The following NRXN3 variants were observed in gnomAD, a reference collection of about 807,000 sequenced individuals.
The protein encoded by NRXN3 is neurexin 3, also known as neurexin III.
A neutral mutation model predicts 137.6 loss-of-function variants in NRXN3; 32 were observed. The observed-to-expected ratio is 0.23, with a 90% CI of 0.18 to 0.31. The LOEUF (loss-of-function observed/expected upper bound fraction) is 0.31, where lower values mean the gene tolerates loss of function less well. Among genes scored for constraint, NRXN3 ranks in the 10% least tolerant of loss-of-function variants. NRXN3 has a pLI of 1.00. For synonymous variants in NRXN3, 798 were observed against 784.5 expected (o/e 1.02, Z -0.29); for missense variants, 1,574 against 2,062.5 (o/e 0.76, Z 4.59).
At chr14:79,483,788 GGT>G (rs1056871872) in intron 16 of NRXN3, among the ~76,000 whole-genome samples, 3 of 148,358 alleles carry the variant, frequency 2.0e-5, no homozygotes, top group Non-Finnish European at 2.9e-5. Flanking sequence ...TGTGTGGGTG[GGT>G]GTGTGTGTGT....
intron 15 of NRXN3, among the ~76,000 whole-genome samples, chr14:79,304,410 G>A (rs1306938629): frequency 1.3e-5 from 2 of 152,054 alleles, no homozygotes; most frequent in Non-Finnish European, 2.9e-5. Flanking sequence ...AGTAAAAAGT[G>A]ACCTGTGTTA....
At chr14:78,709,965 T>C (rs1381978935) in intron 7 of NRXN3, 1 of 332,858 alleles carries the variant, frequency 3.0e-6, no homozygotes, top group Admixed American at 4.6e-5. Context: ...GTCACTGGTG[T>C]GATCCGCCCC....
chr14:78,289,829 G>A (rs1296178286), intron 3 of NRXN3, among the ~76,000 whole-genome samples: 3 of 152,156 alleles, frequency 2.0e-5, no homozygotes, highest in East Asian at 1.9e-4. Context: ...CAGGAGAATC[G>A]CTTGAACCTG....
chr14:79,602,419 C>A (rs1338903512), intron 16 of NRXN3, among the ~76,000 whole-genome samples: 2 of 152,212 alleles, frequency 1.3e-5, no homozygotes, highest in African/African-American at 4.8e-5. Flanking sequence ...TCTTTCTTCT[C>A]GGCTACAAGT....
At position 78,751,666 on chromosome 14, in the gene NRXN3, G is replaced by T. The variant is rs865841414; in HGVS notation, c.2044+36527G>T. Among the ~76,000 whole-genome samples, 6 of 152,250 alleles carry T rather than the reference G, an allele frequency of 3.9e-5. 1 individual carries two copies. Among genetic ancestry groups the T allele is most frequent in the Middle Eastern group, 6.8e-3 (2 of 294 alleles). On this transcript the variant is annotated intron_variant, in intron 8 of 20. Transcript: ENST00000335750. ...AAGAGATTCCCACTCTTCCAGCACT[G>T]CTGACTGCTTCCTAAAGAAAGTGTG...
At chr14:79,819,298 G>A (rs1325457754) in intron 20 of NRXN3, among the ~76,000 whole-genome samples, 1 of 152,018 alleles carries the variant, frequency 6.6e-6, no homozygotes, top group East Asian at 1.9e-4. Context: ...AGATGGAGCT[G>A]GATTTGGCTC....
intron 16 of NRXN3, among the ~76,000 whole-genome samples, chr14:79,558,738 C>T (rs1395384313): frequency 6.6e-6 from 1 of 152,058 alleles, no homozygotes; most frequent in Non-Finnish European, 1.5e-5. Flanking sequence ...GCATTGACTT[C>T]AACTTAATCA....
chr14:79,305,077 C>A (rs2085817534), intron 15 of NRXN3, among the ~76,000 whole-genome samples: 1 of 152,014 alleles, frequency 6.6e-6, no homozygotes, highest in Admixed American at 6.6e-5. Context: ...AGCTATGTAA[C>A]CTTGGGCAAG....
intron 15 of NRXN3, among the ~76,000 whole-genome samples, chr14:79,130,062 C>CAT (rs1200686673): frequency 4.6e-5 from 7 of 151,926 alleles, no homozygotes; most frequent in Admixed American, 6.6e-5. Context: ...TATTTTGAGC[C>CAT]TATGTGTGTC....
intron 14 of NRXN3, among the ~76,000 whole-genome samples, chr14:78,983,952 A>G (rs2153054597): frequency 6.6e-6 from 1 of 152,290 alleles, no homozygotes; most frequent in African/African-American, 2.4e-5. Context: ...TGCCAAGTGA[A>G]ATAAGCCAGG....
chr14:78,893,739 C>T (rs1295558741), intron 10 of NRXN3, among the ~76,000 whole-genome samples: 3 of 151,820 alleles, frequency 2.0e-5, no homozygotes, highest in Admixed American at 1.3e-4. Context: ...ATTTACTTAG[C>T]TGAGAAATTT....
chr14:79,041,062 C>T (rs995323798), intron 15 of NRXN3, among the ~76,000 whole-genome samples: 15 of 152,132 alleles, frequency 9.9e-5, no homozygotes, highest in African/African-American at 3.1e-4. Flanking sequence ...CTTCCTTTCT[C>T]CTCTCTCATA....
chr14:78,845,902 T>G (rs1021538635), intron 10 of NRXN3, among the ~76,000 whole-genome samples: 1 of 136,200 alleles, frequency 7.3e-6, no homozygotes, highest in Non-Finnish European at 1.6e-5. Context: ...ATGAGTATGT[T>G]GGGGTGTGTG....
At chr14:79,316,677 G>A (rs8005044) in intron 15 of NRXN3, among the ~76,000 whole-genome samples, 8,593 of 151,034 alleles carry the variant, frequency 0.057, 627 homozygotes, top group African/African-American at 0.17. Flanking sequence ...CACTCCTCAG[G>A]TAACTCTTGT....
intron 4 of NRXN3, among the ~76,000 whole-genome samples, chr14:78,398,148 A>C: frequency 6.7e-6 from 1 of 148,668 alleles, no homozygotes; most frequent in South Asian, 2.2e-4. Context: ...CGGGAGGCAG[A>C]GGTTGCAGTG....
chr14:78,805,015 T>A (rs1310908935), intron 9 of NRXN3, among the ~76,000 whole-genome samples: 1 of 152,196 alleles, frequency 6.6e-6, no homozygotes, highest in African/African-American at 2.4e-5. Context: ...TAGGCCCACA[T>A]GTCCTGGTGG....
At chr14:78,625,427 G>A (rs1201600077) in intron 4 of NRXN3, among the ~76,000 whole-genome samples, 5 of 152,140 alleles carry the variant, frequency 3.3e-5, no homozygotes, top group African/African-American at 1.2e-4. Context: ...GTTTTGTTTT[G>A]ATTTCTTTTG....
chr14:78,304,681 C>T (rs965517190), intron 4 of NRXN3, among the ~76,000 whole-genome samples: 1 of 152,180 alleles, frequency 6.6e-6, no homozygotes. Flanking sequence ...GCAGGGGTCA[C>T]AGACCCAAAA....
intron 17 of NRXN3, among the ~76,000 whole-genome samples, chr14:79,686,509 C>A (rs1050286294): frequency 2.6e-5 from 4 of 152,100 alleles, no homozygotes; most frequent in African/African-American, 9.7e-5. Context: ...CAACTCCCAA[C>A]CTCTTTTGAT....
Sources: allele counts gnomAD v4.1 joint callset (sites outside exome capture counted in the v4.1 genomes callset), GRCh38; gene constraint gnomAD v4.1.1; transcripts MANE v1.5; gene names NCBI Gene and HGNC (gene_info 2026-07-23, HGNC 2026-07-21).